FRYL: variants seen among roughly 807,000 people sequenced by gnomAD.
The protein encoded by FRYL is FRY like transcription coactivator, also known as protein furry homolog-like.
FRYL carries 150 observed loss-of-function variants against 351.2 expected under a neutral mutation model. The ratio of observed to expected loss-of-function variants is 0.43; its 90% CI spans 0.37 to 0.49. FRYL has a LOEUF of 0.49. Ranked by LOEUF, FRYL falls within the 20% of genes least tolerant of loss-of-function variation. The probability of loss-of-function intolerance (pLI) is 0.00; values close to 1 mark genes in which losing one functional copy is unlikely to be tolerated. For synonymous variants in FRYL, 1,153 were observed against 1,257.1 expected (o/e 0.92, Z 1.75); for missense variants, 3,036 against 3,619.3 (o/e 0.84, Z 4.13).
At chr4:48,606,342 C>T (rs1746831919) in intron 10 of FRYL, 96 bp downstream of exon 10, 2 of 692,396 alleles carry the variant, frequency 2.9e-6, no homozygotes. Context: ...AAAAATGATG[C>T]CATTAATTTA....
intron 56 of FRYL, among the ~76,000 whole-genome samples, chr4:48,513,153 G>A (rs887742113): frequency 2.0e-5 from 3 of 152,152 alleles, no homozygotes; most frequent in African/African-American, 7.2e-5. Context: ...ACTATATGAG[G>A]ATTAGGTTCT....
intron 2 of FRYL, among the ~76,000 whole-genome samples, chr4:48,697,433 T>G (rs1044801734): frequency 6.6e-6 from 1 of 152,250 alleles, no homozygotes; most frequent in Non-Finnish European, 1.5e-5. Flanking sequence ...CTAGTTTACA[T>G]TTCTCACCTT....
At chr4:48,734,890 C>T (rs1771144532) in intron 1 of FRYL, among the ~76,000 whole-genome samples, 1 of 152,076 alleles carries the variant, frequency 6.6e-6, no homozygotes, top group Admixed American at 6.5e-5. Flanking sequence ...TAGGCATTAC[C>T]ATTCAGGACA....
chr4:48,589,138 T>C (rs1339671541), intron 18 of FRYL, among the ~76,000 whole-genome samples: 2 of 152,150 alleles, frequency 1.3e-5, no homozygotes, highest in African/African-American at 4.8e-5. Flanking sequence ...TCTCCTCCCT[T>C]ACAGAGAATA....
chr4:48,709,121 C>A (rs1470634257), intron 2 of FRYL, among the ~76,000 whole-genome samples: 1 of 151,816 alleles, frequency 6.6e-6, no homozygotes, highest in African/African-American at 2.4e-5. Context: ...TGGGTTTCAC[C>A]GTGTTAGCCA....
At chr4:48,616,814 T>A (rs1231060422) in intron 7 of FRYL, among the ~76,000 whole-genome samples, 5 of 152,208 alleles carry the variant, frequency 3.3e-5, no homozygotes, top group South Asian at 2.1e-4. Flanking sequence ...TAAACCTGAA[T>A]CACATTTTAA....
intron 3 of FRYL, among the ~76,000 whole-genome samples, chr4:48,635,756 T>C (rs992310855): frequency 2.0e-4 from 31 of 152,334 alleles, no homozygotes; most frequent in South Asian, 1.2e-3. Context: ...GCTTAGAATA[T>C]TCAGGGAGAA....
rs1431952094 is a variant in FRYL at position 48,613,694 on chromosome 4, G to A, written c.412-3871C>T. 5.3e-5 allele frequency among the ~76,000 whole-genome samples: 8 copies of A among 152,270 alleles called. 1 individual carries two copies. In the South Asian group the frequency reaches 1.0e-3, roughly 20 times the overall value. ...TTTGAGGCTGGGCACAGTGGCTCAC[G>A]CCTGTAATCCCAGCACTCTGGGAGG... On this transcript the variant is annotated intron_variant, in intron 7 of 63. Coordinates refer to ENST00000358350, the MANE Select transcript of FRYL (RefSeq NM_015030.2).
intron 1 of FRYL, among the ~76,000 whole-genome samples, chr4:48,758,487 C>T (rs1221751963): frequency 3.9e-5 from 6 of 152,168 alleles, no homozygotes; most frequent in Admixed American, 3.3e-4. Flanking sequence ...AAAATGCTCA[C>T]CATTACTGGC....
At chr4:48,720,874 T>C (rs1769391229) in intron 1 of FRYL, among the ~76,000 whole-genome samples, 3 of 152,234 alleles carry the variant, frequency 2.0e-5, no homozygotes, top group Admixed American at 1.3e-4. Context: ...CTAGCTAAGA[T>C]AGATTCTATG....
chr4:48,741,449 A>AG (rs1772056006), intron 1 of FRYL, among the ~76,000 whole-genome samples: 1 of 152,192 alleles, frequency 6.6e-6, no homozygotes, highest in Non-Finnish European at 1.5e-5. Flanking sequence ...CTGAGGCAGG[A>AG]GAACTGCTTC....
At chr4:48,751,270 C>T (rs1164426117) in intron 1 of FRYL, among the ~76,000 whole-genome samples, 2 of 151,900 alleles carry the variant, frequency 1.3e-5, no homozygotes, top group Non-Finnish European at 2.9e-5. Flanking sequence ...AAAATCTAGA[C>T]AATTTCTATG....
At chr4:48,611,438 A>T (rs1748179056) in intron 7 of FRYL, among the ~76,000 whole-genome samples, 1 of 152,088 alleles carries the variant, frequency 6.6e-6, no homozygotes, top group African/African-American at 2.4e-5. Flanking sequence ...ACTCACAGAT[A>T]TGAAGGCCCT....
At chr4:48,565,499 A>C in intron 29 of FRYL, 32 bp downstream of exon 29, 1 of 1,508,350 alleles carries the variant, frequency 6.6e-7, no homozygotes. Flanking sequence ...TCTGCTCTTA[A>C]GAAAAAAGAA....
At chr4:48,572,038 C>T (rs1738440053) in intron 26 of FRYL, 3 of 966,176 alleles carry the variant, frequency 3.1e-6, no homozygotes, top group Admixed American at 1.2e-4. Flanking sequence ...TATCATGACC[C>T]TACAGTGCTG....
At chr4:48,513,684 A>G (rs1276668006) in intron 56 of FRYL, among the ~76,000 whole-genome samples, 1 of 152,214 alleles carries the variant, frequency 6.6e-6, no homozygotes, top group Non-Finnish European at 1.5e-5. Context: ...GACTGGAGAA[A>G]ACAATCAAAA....
intron 1 of FRYL, among the ~76,000 whole-genome samples, chr4:48,733,972 T>TA (rs969485393): frequency 6.6e-6 from 1 of 151,718 alleles, no homozygotes; most frequent in South Asian, 2.1e-4. Flanking sequence ...ACAAAAGGCA[T>TA]AAAAAGAGTA....
intron 1 of FRYL, among the ~76,000 whole-genome samples, chr4:48,748,858 G>C (rs756261787): frequency 9.2e-5 from 14 of 152,148 alleles, no homozygotes; most frequent in Non-Finnish European, 1.6e-4. Context: ...AGATGGCGTA[G>C]GGGTTGCAAT....
At chr4:48,738,199 G>C (rs1261771878) in intron 1 of FRYL, among the ~76,000 whole-genome samples, 1 of 152,104 alleles carries the variant, frequency 6.6e-6, no homozygotes, top group Non-Finnish European at 1.5e-5. Context: ...CATTTATGTA[G>C]AAAAGCCAAA....
Sources: allele counts gnomAD v4.1 joint callset (sites outside exome capture counted in the v4.1 genomes callset), GRCh38; gene constraint gnomAD v4.1.1; transcripts MANE v1.5; gene names NCBI Gene and HGNC (gene_info 2026-07-23, HGNC 2026-07-21).